The following TOP1MT variants were observed in gnomAD, a reference collection of about 807,000 sequenced individuals.
TOP1MT encodes the protein DNA topoisomerase I mitochondrial.
TOP1MT carries 80 observed loss-of-function variants against 73.9 expected under a neutral mutation model. That is an observed-to-expected ratio of 1.08 (90% CI 0.90 to 1.30). The LOEUF (loss-of-function observed/expected upper bound fraction) is 1.30, where lower values mean the gene tolerates loss of function less well. Among genes scored for constraint, TOP1MT ranks in the 50% most tolerant of loss-of-function variants. The probability of loss-of-function intolerance (pLI) is 0.00; values close to 1 mark genes in which losing one functional copy is unlikely to be tolerated. For synonymous variants in TOP1MT, 338 were observed against 326.4 expected (o/e 1.04, Z -0.38); for missense variants, 815 against 808.0 (o/e 1.01, Z -0.10).
Position 143,317,781 on chromosome 8 carries a change from C to A in TOP1MT, c.1272G>T (p.Val424=), listed in dbSNP as rs200829704. 1.2e-6 allele frequency: 2 copies of A among 1,614,086 alleles called. No homozygotes were observed. The highest frequency in any genetic ancestry group is 1.3e-5 in the African/African-American group (1 of 74,962). The change falls in exon 10 of 14, where the codon GTG becomes GTT. Residue 424 remains valine, a synonymous_variant. Coordinates refer to ENST00000329245, the MANE Select transcript of TOP1MT (RefSeq NM_052963.3). ...TGATGGAGGCGTTGTAGGTCCGGAA[C>A]ACCTTGGCCGTCAGCCCGTCCATCA... ...QELMDGLTAK[V]FRTYNASITL...
rs780433399 is a variant in TOP1MT at position 143,321,357 on chromosome 8, C to G, written c.990G>C (p.Glu330Asp). 1.9e-6 allele frequency: 3 copies of G among 1,594,956 alleles called. No homozygotes were observed. Among genetic ancestry groups the G allele is most frequent in the Non-Finnish European group, 2.6e-6 (3 of 1,165,792 alleles). The part of the protein sequence containing the change: ...KLALRAGNEK[E>D]DGEAADTVGC... ...CCACGGTGTCGGCCGCCTCACCGTC[C>G]TCCTTCTCATTTCCTGCTCTCAGTG... Residue 330 changes from glutamate (E) to aspartate (D), a missense_variant, in exon 8 of 14, where the codon GAG becomes GAC. Physicochemically the swap from Glu to Asp is conservative, Grantham distance 45. Transcript: ENST00000329245.
intron 9 of TOP1MT, 48 bp downstream of exon 9, chr8:143,317,970 A>C: frequency 1.9e-6 from 3 of 1,607,192 alleles, no homozygotes; most frequent in Non-Finnish European, 2.6e-6. Context: ...ACGCCCTCTC[A>C]CTGGGTCCTG....
rs780663716 is a variant in TOP1MT, at chr8:143,325,429, C to T, written c.588G>A (p.Leu196=). The T allele has an allele frequency of 3.7e-6, 6 of 1,613,390 alleles. No homozygotes were observed. Among genetic ancestry groups the T allele is most frequent in the Non-Finnish European group, 5.1e-6 (6 of 1,179,484 alleles). Residue 196 remains leucine (L), a synonymous_variant, in exon 5 of 14, where the codon TTG becomes TTA. Coordinates refer to ENST00000329245, the MANE Select transcript of TOP1MT (RefSeq NM_052963.3). The stretch of plus-strand genomic sequence containing the variant: ...TGGGATGGTCGCCACGGCCACGGAA[C>T]AAGCCAGGCGGCTCAATCTTGAAGT... ...IGNFKIEPPG[L]FRGRGDHPKM... is the part of the protein sequence containing the mutation.
chr8:143,359,565 C>A (rs1304691030), upstream of TOP1MT, among the ~76,000 whole-genome samples: 1 of 149,466 alleles, frequency 6.7e-6, no homozygotes, highest in African/African-American at 2.5e-5. Flanking sequence ...GGAGAGGACA[C>A]CGAGCGGGAG....
At chr8:143,311,688 G>A (rs1816018484) in intron 12 of TOP1MT, among the ~76,000 whole-genome samples, 1 of 151,632 alleles carries the variant, frequency 6.6e-6, no homozygotes, top group African/African-American at 2.4e-5. Flanking sequence ...AGAGGTTGTG[G>A]TGAGCTGAGA....
chr8:143,332,361 G>T, intron 1 of TOP1MT: 1 of 671,610 alleles, frequency 1.5e-6, no homozygotes, highest in Non-Finnish European at 2.3e-6. Context: ...CAGTGCAAAG[G>T]CCTCAGTGGG....
intron 2 of TOP1MT, among the ~76,000 whole-genome samples, 167 bp from the exon 3 acceptor site, chr8:143,329,638 A>G (rs1381185449): frequency 6.6e-6 from 1 of 152,226 alleles, no homozygotes; most frequent in African/African-American, 2.4e-5. Context: ...ACACACGACA[A>G]TCAACCTGCG....
chr8:143,316,517 A>ACATCTCCTCAAGGTACCAC (rs1204616694), intron 10 of TOP1MT, among the ~76,000 whole-genome samples: 1 of 81,290 alleles, frequency 1.2e-5, no homozygotes, highest in East Asian at 3.3e-4. Flanking sequence ...TCCCCTGGCG[A>ACATCTCCTCAAGGTACCAC]GTCTGTGGGT....
At position 143,316,010 on chromosome 8, in the gene TOP1MT, G is replaced by C; in HGVS notation, c.1447C>G (p.Leu483Val). 6 of 1,614,172 alleles carry C rather than the reference G, an allele frequency of 3.7e-6. No individual in the cohort carries two copies. Among genetic ancestry groups the C allele is most frequent in the Non-Finnish European group, 5.1e-6 (6 of 1,179,998 alleles). Residue 483 changes from leucine (L) to valine (V), a missense_variant, in exon 11 of 14, where the codon CTC becomes GTC. Transcript: ENST00000329245. ...CTGGGAGCTGCTACCTTCGTCTGGA[G>C]ATTCTGCATCGACTTCTCGAACGTA... is the stretch of plus-strand genomic sequence containing the variant. ...PSTFEKSMQN[L>V]QTKIQAKKEQ...
chr8:143,322,346 G>A (rs200573779), intron 7 of TOP1MT, among the ~76,000 whole-genome samples: 2 of 63,942 alleles, frequency 3.1e-5, no homozygotes, highest in African/African-American at 6.3e-5. Flanking sequence ...ACACAGGCAC[G>A]CCACACACGC....
chr8:143,324,266 G>A, intron 6 of TOP1MT, 124 bp from the exon 7 acceptor site: 1 of 1,430,582 alleles, frequency 7.0e-7, no homozygotes, highest in East Asian at 2.3e-5. Flanking sequence ...GTCAGGGGCT[G>A]GGGCAGCAAA....
At position 143,334,747 on chromosome 8, in the gene TOP1MT, C is replaced by T. The variant is rs781422193; in HGVS notation, c.115G>A (p.Gly39Arg). 6.2e-7 allele frequency: 1 copy of T among 1,601,248 alleles called. No individual in the cohort carries two copies. Among genetic ancestry groups the T allele is most frequent in the East Asian group, 2.3e-5 (1 of 42,752 alleles). The change falls in exon 1 of 14, where the codon GGA becomes AGA. Residue 39 changes from glycine (G) to arginine (R), a missense_variant. By Grantham distance (125) the Gly-to-Arg change is moderately radical. Transcript: ENST00000329245. ...PGSRRTQKGS[G>R]ARWEKEKHED... Reference sequence around the variant, plus strand: ...CTCACTGGGACACCTTACCTGGCTCCACTGCCCTTCTGCGTCCTGCGCGAG... The same window carrying T: ...CTCACTGGGACACCTTACCTGGCTCTACTGCCCTTCTGCGTCCTGCGCGAG...
At chr8:143,326,455 G>T (rs958843626) in intron 3 of TOP1MT, 111 bp from the exon 4 acceptor site, 1 of 1,460,426 alleles carries the variant, frequency 6.8e-7, no homozygotes, top group African/African-American at 1.4e-5. Flanking sequence ...CGACGGAGGC[G>T]TGTGTGCAAT....
chr8:143,359,310 G>C, upstream of TOP1MT: 2 of 985,406 alleles, frequency 2.0e-6, no homozygotes, highest in African/African-American at 1.7e-5. Context: ...CAGGAGAAGG[G>C]AGGCAGGTCA....
Position 143,309,496 on chromosome 8 carries a change from T to G in TOP1MT, c.1751A>C (p.Gln584Pro). The G allele has an allele frequency of 3.1e-6, 5 of 1,614,052 alleles. No homozygotes were observed. Among genetic ancestry groups the G allele is most frequent in the East Asian group, 2.2e-5 (1 of 44,882 alleles). The change falls in exon 14 of 14, where the codon CAG becomes CCG. Residue 584 changes from glutamine to proline, a missense_variant. Gln to Pro is a moderately conservative substitution (Grantham distance 76). Coordinates refer to ENST00000329245, the MANE Select transcript of TOP1MT (RefSeq NM_052963.3). ...GAGAGCCCAGGCGAACCTCTCCCGC[T>G]GTGTTTTGCTGTAGATCTTCTCCAC... ...VPVEKIYSKTQRERFAWALAM... is the reference protein window; with the variant it reads ...VPVEKIYSKTPRERFAWALAM...
upstream of TOP1MT, among the ~76,000 whole-genome samples, chr8:143,337,990 G>C (rs1283449031): frequency 1.3e-5 from 2 of 152,146 alleles, no homozygotes; most frequent in African/African-American, 4.8e-5. Context: ...CTTTCACATG[G>C]ACCCCTTAGA....
intron 7 of TOP1MT, among the ~76,000 whole-genome samples, chr8:143,322,367 CACAG>C (rs1310700892): frequency 5.9e-4 from 58 of 97,960 alleles, no homozygotes; most frequent in Non-Finnish European, 1.0e-3. Context: ...ACGCCACACA[CACAG>C]GCACGCCACA....
At chr8:143,326,800 CA>C (rs1816719860) in intron 3 of TOP1MT, among the ~76,000 whole-genome samples, 1 of 152,170 alleles carries the variant, frequency 6.6e-6, no homozygotes, top group African/African-American at 2.4e-5. Flanking sequence ...TTCGCGAGGG[CA>C]AAGTCTCAGT....
At chr8:143,332,781 C>G in intron 1 of TOP1MT, 1 of 354,504 alleles carries the variant, frequency 2.8e-6, no homozygotes, top group South Asian at 2.1e-5. Context: ...GCCTGTGATC[C>G]CAGCACTTTG....
Sources: allele counts gnomAD v4.1 joint callset (sites outside exome capture counted in the v4.1 genomes callset), GRCh38; gene constraint gnomAD v4.1.1; transcripts MANE v1.5; gene names NCBI Gene and HGNC (gene_info 2026-07-23, HGNC 2026-07-21).